FBXO4: variants seen among roughly 807,000 people sequenced by gnomAD.
The protein encoded by FBXO4 is F-box only protein 4.
FBXO4 carries 36 observed loss-of-function variants against 43.7 expected under a neutral mutation model. That is an observed-to-expected ratio of 0.82 (90% CI 0.63 to 1.09). FBXO4 has a LOEUF of 1.09. Among genes scored for constraint, FBXO4 ranks in the 50% least tolerant of loss-of-function variants. The pLI is 0.00. For synonymous variants in FBXO4, 180 were observed against 165.6 expected, an observed-to-expected ratio of 1.09 and a Z score of -0.67; for missense variants, 435 against 474.1, an observed-to-expected ratio of 0.92 and a Z score of 0.77.
At chr5:41,970,662 G>A in the FBXO4 span, among the ~76,000 whole-genome samples, 3 of 151,866 alleles carry the variant, frequency 2.0e-5, no homozygotes, top group Non-Finnish European at 2.9e-5. Context: ...ATAACTTAGT[G>A]TAAGAATTTA....
chr5:41,933,308 C>G (rs567886954), intron 3 of FBXO4, among the ~76,000 whole-genome samples: 3 of 152,236 alleles, frequency 2.0e-5, no homozygotes, highest in South Asian at 2.1e-4. Context: ...TTTGAACTCC[C>G]TGGCTCAAGT....
chr5:42,000,969 T>C, the FBXO4 span, among the ~76,000 whole-genome samples: 1 of 152,232 alleles, frequency 6.6e-6, no homozygotes, highest in Non-Finnish European at 1.5e-5. Context: ...ATTGTTTTGG[T>C]TACCATAGGT....
At chr5:41,996,145 C>T in the FBXO4 span, among the ~76,000 whole-genome samples, 4 of 152,168 alleles carry the variant, frequency 2.6e-5, no homozygotes, top group Non-Finnish European at 4.4e-5. Context: ...GGCATTTGAG[C>T]CACTTCCTCA....
intron 5 of FBXO4, among the ~76,000 whole-genome samples, chr5:41,937,604 T>C (rs1751881369): frequency 6.6e-6 from 1 of 152,116 alleles, no homozygotes; most frequent in Non-Finnish European, 1.5e-5. Context: ...AAATCCCTAT[T>C]CTCCCAAGAC....
intron 3 of FBXO4, among the ~76,000 whole-genome samples, 181 bp from the exon 4 acceptor site, chr5:41,933,765 A>T (rs1230675164): frequency 1.3e-5 from 2 of 152,134 alleles, no homozygotes; most frequent in Non-Finnish European, 2.9e-5. Flanking sequence ...TTTTATTGTC[A>T]TGTGAATGAA....
chr5:41,928,567 C>G (rs893896688), intron 2 of FBXO4: 2 of 152,520 alleles, frequency 1.3e-5, no homozygotes, highest in African/African-American at 4.8e-5. Flanking sequence ...ATCTCCTGAC[C>G]TCGTGATCCA....
chr5:42,000,842 C>T, the FBXO4 span, among the ~76,000 whole-genome samples: 1 of 152,132 alleles, frequency 6.6e-6, no homozygotes, highest in South Asian at 2.1e-4. Context: ...CATCTTTCCC[C>T]CATTGTGTGT....
At chr5:42,035,533 A>G in the FBXO4 span, among the ~76,000 whole-genome samples, 1 of 152,108 alleles carries the variant, frequency 6.6e-6, no homozygotes, top group Non-Finnish European at 1.5e-5. Context: ...TTTTCTCTCT[A>G]AAGGTCATAT....
At chr5:41,962,391 C>T in the FBXO4 span, among the ~76,000 whole-genome samples, 2 of 152,260 alleles carry the variant, frequency 1.3e-5, no homozygotes, top group Admixed American at 6.5e-5. Context: ...ACCAATGCAT[C>T]AGTGGGGGCC....
At chr5:42,003,975 C>G in the FBXO4 span, among the ~76,000 whole-genome samples, 1 of 152,082 alleles carries the variant, frequency 6.6e-6, no homozygotes, top group African/African-American at 2.4e-5. Flanking sequence ...GGAACTAACC[C>G]AAATGTCCAT....
At chr5:41,967,637 T>C in the FBXO4 span, 1 of 954,656 alleles carries the variant, frequency 1.0e-6, no homozygotes, top group East Asian at 2.9e-5. Context: ...GCCAGTTTGC[T>C]TAATTATTTC....
chr5:42,007,592 C>T, the FBXO4 span, among the ~76,000 whole-genome samples: 23 of 152,244 alleles, frequency 1.5e-4, no homozygotes, highest in African/African-American at 4.3e-4. Flanking sequence ...CAGTCCCTTG[C>T]TTAATCTCTG....
the FBXO4 span, among the ~76,000 whole-genome samples, chr5:41,981,728 T>G: frequency 1.3e-4 from 19 of 144,330 alleles, no homozygotes; most frequent in East Asian, 9.7e-4. Context: ...GGTTTTTGGT[T>G]TTTTTTTTTT....
the FBXO4 span, among the ~76,000 whole-genome samples, chr5:42,036,833 C>A: frequency 6.6e-6 from 1 of 151,956 alleles, no homozygotes; most frequent in South Asian, 2.1e-4. Context: ...TCTTCACATA[C>A]CATATGCATT....
At chr5:42,037,793 T>A in the FBXO4 span, among the ~76,000 whole-genome samples, 1 of 152,014 alleles carries the variant, frequency 6.6e-6, no homozygotes, top group Non-Finnish European at 1.5e-5. Flanking sequence ...CCCCAACTAA[T>A]CAATGACCTC....
rs755197900 is a variant in FBXO4, at chr5:41,927,125, A to G, written c.302A>G (p.Tyr101Cys). The G allele has an allele frequency of 1.2e-6, 2 of 1,613,758 alleles. No individual in the cohort carries two copies. The highest frequency in any genetic ancestry group is 1.1e-5 in the South Asian group (1 of 91,076). Residue 101 changes from tyrosine to cysteine, a missense_variant, in exon 2 of 7, where the codon TAC (tyrosine) becomes TGC (cysteine). Tyr to Cys is a radical substitution (Grantham distance 194). Coordinates refer to ENST00000281623, the MANE Select transcript of FBXO4 (RefSeq NM_012176.3). ...ETVRDPILWR[Y>C]FLLRDLPSWS... ...GTAAGAGATCCAATTCTGTGGAGAT[A>G]CTTTTTGTTGAGGGATCTTCCTTCT... is the stretch of plus-strand genomic sequence containing the variant.
chr5:41,962,644 C>T, the FBXO4 span, among the ~76,000 whole-genome samples: 33 of 152,274 alleles, frequency 2.2e-4, 1 homozygote, highest in Non-Finnish European at 4.6e-4. Context: ...TTCCAGTATT[C>T]CTGACCCTCT....
the FBXO4 span, among the ~76,000 whole-genome samples, chr5:41,977,169 G>A: frequency 1.3e-5 from 2 of 152,186 alleles, no homozygotes; most frequent in Non-Finnish European, 2.9e-5. Context: ...GGGCTGCCTT[G>A]AAGACTTCTG....
At chr5:41,957,363 C>G in the FBXO4 span, among the ~76,000 whole-genome samples, 1 of 149,780 alleles carries the variant, frequency 6.7e-6, no homozygotes, top group African/African-American at 2.4e-5. Flanking sequence ...ATTCCTTCCT[C>G]TGATTATTAG....
Sources: allele counts gnomAD v4.1 joint callset (sites outside exome capture counted in the v4.1 genomes callset), GRCh38; gene constraint gnomAD v4.1.1; transcripts MANE v1.5; gene names NCBI Gene and HGNC (gene_info 2026-07-23, HGNC 2026-07-21).